SEMA3E: variants seen among roughly 807,000 people sequenced by gnomAD.
SEMA3E encodes semaphorin 3E, also known as semaphorin-3E.
Under a neutral mutation model 93.6 loss-of-function variants are expected in SEMA3E, and 49 were observed. The ratio of observed to expected loss-of-function variants is 0.52; its 90% CI spans 0.42 to 0.66. The LOEUF (loss-of-function observed/expected upper bound fraction) is 0.66, where lower values mean the gene tolerates loss of function less well. Among genes scored for constraint, SEMA3E ranks in the 30% least tolerant of loss-of-function variants. The pLI, the probability that SEMA3E is intolerant of heterozygous loss-of-function variation, is 0.00. For missense variants in SEMA3E, 906 were observed against 964.8 expected (o/e 0.94, Z 0.81); for synonymous variants, 363 against 330.7 (o/e 1.10, Z -1.06).
intron 1 of SEMA3E, among the ~76,000 whole-genome samples, chr7:83,539,622 G>A (rs1456674107): frequency 1.3e-5 from 2 of 151,944 alleles, no homozygotes; most frequent in Non-Finnish European, 2.9e-5. Context: ...TTTCCAAACC[G>A]TTTTTGCTGC....
intron 1 of SEMA3E, among the ~76,000 whole-genome samples, chr7:83,548,541 C>G (rs1024572079): frequency 6.6e-6 from 1 of 151,990 alleles, no homozygotes; most frequent in African/African-American, 2.4e-5. Flanking sequence ...GTCTAGAGAT[C>G]TTTAGAGTCT....
chr7:83,562,345 T>C (rs1232726396), intron 1 of SEMA3E, among the ~76,000 whole-genome samples: 1 of 152,064 alleles, frequency 6.6e-6, no homozygotes, highest in Non-Finnish European at 1.5e-5. Flanking sequence ...TATAATGTAA[T>C]TGAGAGTCAA....
In SEMA3E at chr7:83,648,453, G is replaced by C. The variant is rs919228737; in HGVS notation, c.90C>G (p.His30Gln). ...CTTTATGTGACAGGCGTAACCGGGG[G>C]TGGGTAGTATCAGCTGTATGACCTC... ...WTGGHTADTT[H>Q]PRLRLSHKEL... is the part of the protein sequence containing the mutation. Residue 30 changes from histidine to glutamine, a missense_variant, in exon 1 of 17, where the codon CAC becomes CAG. Transcript: ENST00000643230. The C allele has an allele frequency of 1.2e-6, 2 of 1,611,914 alleles. No individual in the cohort carries two copies. The highest frequency in any genetic ancestry group is 2.7e-5 in the African/African-American group (2 of 74,398).
chr7:83,498,454 C>T (rs1335043695), intron 1 of SEMA3E, among the ~76,000 whole-genome samples: 1 of 151,552 alleles, frequency 6.6e-6, no homozygotes, highest in African/African-American at 2.4e-5. Context: ...TTTTTTCAAA[C>T]TTGTGTACTT....
chr7:83,554,153 G>A (rs1015904981), intron 1 of SEMA3E, among the ~76,000 whole-genome samples: 1 of 152,110 alleles, frequency 6.6e-6, no homozygotes, highest in Non-Finnish European at 1.5e-5. Context: ...TTTACAGCAT[G>A]TGTTTACCCT....
Position 83,627,061 on chromosome 7 carries a change from G to C in SEMA3E, c.115+21367C>G, listed in dbSNP as rs1426548359. On this transcript the variant is annotated intron_variant, in intron 1 of 16. Transcript: ENST00000643230. ...TGAGTTCTAATTTGATTGCACTGTGGTCTGAGAGACCGTTTGTTACAATTT... is the reference window on the plus strand; with the variant it reads ...TGAGTTCTAATTTGATTGCACTGTGCTCTGAGAGACCGTTTGTTACAATTT... Among the ~76,000 whole-genome samples the C allele has an allele frequency of 4.6e-5, 7 of 152,292 alleles. No individual in the cohort carries two copies. In the East Asian group the frequency reaches 9.6e-4, roughly 21 times the overall value.
At chr7:83,459,278 G>A (rs1789560319) in intron 4 of SEMA3E, among the ~76,000 whole-genome samples, 1 of 152,078 alleles carries the variant, frequency 6.6e-6, no homozygotes, top group African/African-American at 2.4e-5. Context: ...AAAGCAGTTT[G>A]AGATACTGAA....
intron 16 of SEMA3E, chr7:83,372,268 T>G (rs965573772): frequency 1.5e-5 from 6 of 397,954 alleles, no homozygotes; most frequent in Admixed American, 1.3e-4. Flanking sequence ...CACAGATACG[T>G]CTTAGGACAT....
intron 1 of SEMA3E, among the ~76,000 whole-genome samples, chr7:83,527,870 T>G (rs1414432141): frequency 6.6e-6 from 1 of 152,114 alleles, no homozygotes; most frequent in African/African-American, 2.4e-5. Flanking sequence ...ACAGTGATTA[T>G]ATTTAAAACC....
intron 1 of SEMA3E, among the ~76,000 whole-genome samples, chr7:83,522,309 A>C (rs1296870965): frequency 6.6e-6 from 1 of 152,068 alleles, no homozygotes; most frequent in Non-Finnish European, 1.5e-5. Flanking sequence ...TACTGTCATT[A>C]GCTAATGGAG....
chr7:83,518,625 T>C (rs1790982872), intron 1 of SEMA3E, among the ~76,000 whole-genome samples: 1 of 152,196 alleles, frequency 6.6e-6, no homozygotes, highest in South Asian at 2.1e-4. Flanking sequence ...TTAAATTAAA[T>C]GATAATAGTT....
chr7:83,541,532 G>A (rs1257184121), intron 1 of SEMA3E, among the ~76,000 whole-genome samples: 1 of 152,126 alleles, frequency 6.6e-6, no homozygotes, highest in African/African-American at 2.4e-5. Flanking sequence ...GAAAAGGGCA[G>A]AAATAGAAGT....
intron 1 of SEMA3E, among the ~76,000 whole-genome samples, chr7:83,570,224 G>A (rs549779909): frequency 4.5e-4 from 69 of 152,218 alleles, no homozygotes; most frequent in South Asian, 1.7e-3. Context: ...CTAACGCAGC[G>A]TTAAGAAGAA....
chr7:83,398,891 C>T (rs1043371858), intron 11 of SEMA3E, among the ~76,000 whole-genome samples: 11 of 152,086 alleles, frequency 7.2e-5, no homozygotes, highest in Admixed American at 3.3e-4. Context: ...TTGCAGTGAG[C>T]CAAGATCGTG....
In SEMA3E at chr7:83,366,491, A is replaced by G. The variant is rs1794670670; in HGVS notation, c.*1095T>C. Reference sequence around the variant, plus strand: ...ATATTTGAGAGCAAATCACTTTAATATTTTTTTCACAAATAAAACACGGTT... The same window carrying G: ...ATATTTGAGAGCAAATCACTTTAATGTTTTTTTCACAAATAAAACACGGTT... On this transcript the variant is annotated 3_prime_UTR_variant, in exon 17 of 17. Coordinates refer to ENST00000643230, the MANE Select transcript of SEMA3E (RefSeq NM_012431.3). The G allele has an allele frequency of 6.6e-6, 1 of 151,810 alleles. No individual in the cohort carries two copies. Among genetic ancestry groups the G allele is most frequent in the Non-Finnish European group, 1.5e-5 (1 of 67,900 alleles). 9.4% of individuals were successfully genotyped at this position (151,810 alleles called of 1,614,324 possible).
chr7:83,557,494 A>G (rs1791943447), intron 1 of SEMA3E, among the ~76,000 whole-genome samples: 1 of 151,988 alleles, frequency 6.6e-6, no homozygotes, highest in African/African-American at 2.4e-5. Flanking sequence ...ATTATTTCCA[A>G]TGTAAAAATA....
At chr7:83,454,042 A>T (rs1422625942) in intron 4 of SEMA3E, among the ~76,000 whole-genome samples, 2 of 151,496 alleles carry the variant, frequency 1.3e-5, no homozygotes, top group Admixed American at 6.6e-5. Flanking sequence ...GTGGATCACG[A>T]GGTCAGGAGA....
chr7:83,397,070 C>A (rs1248355474), intron 11 of SEMA3E, among the ~76,000 whole-genome samples: 5 of 122,844 alleles, frequency 4.1e-5, no homozygotes, highest in Non-Finnish European at 7.3e-5. Flanking sequence ...GACAGAGAAG[C>A]CTTCATCTAA....
At chr7:83,382,572 T>C (rs1787797879) in intron 16 of SEMA3E, among the ~76,000 whole-genome samples, 1 of 151,910 alleles carries the variant, frequency 6.6e-6, no homozygotes, top group Non-Finnish European at 1.5e-5. Context: ...TCAATTCTGT[T>C]TATGAGTCTC....
Sources: allele counts gnomAD v4.1 joint callset (sites outside exome capture counted in the v4.1 genomes callset), GRCh38; gene constraint gnomAD v4.1.1; transcripts MANE v1.5; gene names NCBI Gene and HGNC (gene_info 2026-07-23, HGNC 2026-07-21).